Variants in TMEFF1 observed in about 807,000 individuals in gnomAD.
The protein encoded by TMEFF1 is tomoregulin-1.
A neutral mutation model predicts 47.5 loss-of-function variants in TMEFF1; 20 were observed. That is an observed-to-expected ratio of 0.42 (90% confidence interval 0.30 to 0.61). TMEFF1 has a LOEUF of 0.61. Ranked by LOEUF, TMEFF1 falls within the 20% of genes least tolerant of loss-of-function variation. TMEFF1 has a pLI of 0.19. For synonymous variants in TMEFF1, 162 were observed against 166.3 expected (o/e 0.97, Z 0.20); for missense variants, 411 against 471.1 (o/e 0.87, Z 1.18).
At chr9:100,505,459 A>G (rs138396710) in intron 2 of TMEFF1, among the ~76,000 whole-genome samples, 2 of 150,002 alleles carry the variant, frequency 1.3e-5, no homozygotes, top group African/African-American at 4.9e-5. Context: ...AAGCAATTTC[A>G]TACCAGGAGT....
intron 5 of TMEFF1, among the ~76,000 whole-genome samples, chr9:100,532,395 GA>G (rs1259171780): frequency 2.0e-5 from 3 of 151,890 alleles, no homozygotes; most frequent in Admixed American, 1.3e-4. Context: ...AAATTTACAA[GA>G]AAAAAACAAC....
intron 8 of TMEFF1, among the ~76,000 whole-genome samples, chr9:100,567,885 G>C (rs1839154291): frequency 6.6e-6 from 1 of 152,164 alleles, no homozygotes; most frequent in Non-Finnish European, 1.5e-5. Flanking sequence ...TCACAATCAT[G>C]GGGGAAGGCA....
In TMEFF1 at chr9:100,524,150, TA is replaced by T. The variant is rs57598059; in HGVS notation, c.560+7391del. ...AGATATGTACATATATTCTTTTATT[TA>T]AAAAAAAAAAACTAATGGCATCACA... On this transcript the variant is annotated intron_variant, in intron 5 of 9. Transcript: ENST00000374879. Among the ~76,000 whole-genome samples the T allele has an allele frequency of 7.5e-3, 1,109 of 146,994 alleles. 11 individuals carry two copies. The highest frequency in any genetic ancestry group is 0.025 in the African/African-American group (994 of 40,370).
At chr9:100,513,230 G>T (rs887072349) in intron 3 of TMEFF1, 77 bp from the exon 4 acceptor site, 10 of 1,563,110 alleles carry the variant, frequency 6.4e-6, no homozygotes, top group Admixed American at 6.2e-5. Context: ...TTTTATTTTT[G>T]ATAGGAAATT....
intron 1 of TMEFF1, among the ~76,000 whole-genome samples, chr9:100,497,135 G>A (rs1335200709): frequency 1.3e-5 from 2 of 152,064 alleles, no homozygotes; most frequent in East Asian, 1.9e-4. Context: ...CTAAAGCAAG[G>A]TCAAGGGGGA....
intron 5 of TMEFF1, among the ~76,000 whole-genome samples, chr9:100,536,248 G>C (rs1422553327): frequency 6.6e-6 from 1 of 152,086 alleles, no homozygotes; most frequent in African/African-American, 2.4e-5. Context: ...AAAAAAATAG[G>C]TTAAATCTTT....
intron 5 of TMEFF1, among the ~76,000 whole-genome samples, chr9:100,525,603 T>C (rs1022602286): frequency 4.0e-5 from 6 of 151,624 alleles, no homozygotes; most frequent in Non-Finnish European, 5.9e-5. Context: ...TTTTATTATG[T>C]AATCGTGACT....
chr9:100,530,209 C>T (rs550665631), intron 5 of TMEFF1, among the ~76,000 whole-genome samples: 1 of 151,842 alleles, frequency 6.6e-6, no homozygotes. Context: ...CAAACACATT[C>T]AAAAGCTAGC....
intron 5 of TMEFF1, among the ~76,000 whole-genome samples, chr9:100,535,542 G>C (rs1008400901): frequency 6.6e-6 from 1 of 152,194 alleles, no homozygotes; most frequent in Non-Finnish European, 1.5e-5. Context: ...AGGCCGAGGT[G>C]GGGGAATCAC....
chr9:100,528,204 A>G (rs1473764666), intron 5 of TMEFF1, among the ~76,000 whole-genome samples: 74 of 151,060 alleles, frequency 4.9e-4, no homozygotes, highest in African/African-American at 1.5e-3. Flanking sequence ...CCAAAGGAAC[A>G]CAGTTCCTCA....
In TMEFF1 at chr9:100,550,159, A is replaced by G. The variant is rs144860769; in HGVS notation, c.774A>G (p.Lys258=). 2.5e-6 allele frequency: 4 copies of G among 1,612,182 alleles called. No homozygotes were observed. In the African/African-American group the frequency reaches 5.3e-5, roughly 22 times the overall value. Residue 258 remains lysine (K), a splice_region_variant and synonymous_variant, in exon 7 of 10, where the codon AAA becomes AAG. Coordinates refer to ENST00000374879, the MANE Select transcript of TMEFF1 (RefSeq NM_003692.5). The part of the protein sequence containing the change: ...DDGLQYRPDV[K]DASDQREDVY... ...GACTACAATATCGACCAGATGTGAA[A>G]GGTACTGAATCATGCATCTCCAAAT...
intron 8 of TMEFF1, among the ~76,000 whole-genome samples, chr9:100,566,744 G>C (rs1178689641): frequency 6.6e-6 from 1 of 151,512 alleles, no homozygotes; most frequent in Non-Finnish European, 1.5e-5. Flanking sequence ...TCACTCTGTT[G>C]CCCAGGCTGG....
At chr9:100,573,881 C>T (rs150271867) in intron 9 of TMEFF1, among the ~76,000 whole-genome samples, 25 of 152,302 alleles carry the variant, frequency 1.6e-4, no homozygotes, top group African/African-American at 3.4e-4. Context: ...TAAAATTGGA[C>T]GGTAGATCAA....
At chr9:100,554,888 G>C (rs1037384629) in intron 7 of TMEFF1, among the ~76,000 whole-genome samples, 3 of 152,004 alleles carry the variant, frequency 2.0e-5, no homozygotes, top group African/African-American at 7.3e-5. Context: ...TGGCCTCAGT[G>C]GTTTACCTTC....
intron 2 of TMEFF1, 49 bp from the exon 3 acceptor site, chr9:100,508,956 A>G (rs759760088): frequency 4.7e-6 from 7 of 1,499,604 alleles, no homozygotes; most frequent in South Asian, 2.9e-5. Flanking sequence ...GAAATAAACT[A>G]TTAATATTCA....
intron 5 of TMEFF1, among the ~76,000 whole-genome samples, chr9:100,530,607 C>A (rs1838358478): frequency 6.6e-6 from 1 of 151,856 alleles, no homozygotes; most frequent in Non-Finnish European, 1.5e-5. Flanking sequence ...GTTTACCAAC[C>A]AAAAAGAGTC....
intron 2 of TMEFF1, among the ~76,000 whole-genome samples, chr9:100,505,507 A>G (rs1380500937): frequency 6.6e-6 from 1 of 152,024 alleles, no homozygotes; most frequent in African/African-American, 2.4e-5. Flanking sequence ...TAGATGCTAG[A>G]ATAAAAACCA....
chr9:100,556,278 C>T (rs1838912977), intron 7 of TMEFF1, among the ~76,000 whole-genome samples: 1 of 152,178 alleles, frequency 6.6e-6, no homozygotes, highest in Non-Finnish European at 1.5e-5. Flanking sequence ...GAGATCTAAA[C>T]TTGATCTCAG....
Position 100,550,989 on chromosome 9 carries a change from T to G in TMEFF1, c.775+829T>G, listed in dbSNP as rs115134312. Among the ~76,000 whole-genome samples the G allele has an allele frequency of 1.0e-3, 154 of 152,380 alleles. 1 individual carries two copies. The highest frequency in any genetic ancestry group is 3.5e-3 in the African/African-American group (147 of 41,590). ...TTGTTTGATTCTTATAACTGCTCTT[T>G]GATAGGTAAGGACCAATGGGAAGAT... On this transcript the variant is annotated intron_variant, in intron 7 of 9. Coordinates refer to ENST00000374879, the MANE Select transcript of TMEFF1 (RefSeq NM_003692.5).
Sources: allele counts gnomAD v4.1 joint callset (sites outside exome capture counted in the v4.1 genomes callset), GRCh38; gene constraint gnomAD v4.1.1; transcripts MANE v1.5; gene names NCBI Gene and HGNC (gene_info 2026-07-23, HGNC 2026-07-21).